MRPS30: variants seen among roughly 807,000 people sequenced by gnomAD.
MRPS30 encodes the protein large ribosomal subunit protein mL65.
Under a neutral mutation model 43.8 loss-of-function variants are expected in MRPS30, and 42 were observed. The ratio of observed to expected loss-of-function variants is 0.96; its 90% CI spans 0.75 to 1.24. The LOEUF (loss-of-function observed/expected upper bound fraction) is 1.24, where lower values mean the gene tolerates loss of function less well. Among genes scored for constraint, MRPS30 ranks in the 50% most tolerant of loss-of-function variants. The pLI is 0.00. For synonymous variants in MRPS30, 273 were observed against 228.2 expected (o/e 1.20, Z -1.77); for missense variants, 638 against 570.0 (o/e 1.12, Z -1.22).
In MRPS30 at chr5:44,809,786, T is replaced by C. The variant is rs1465116229; in HGVS notation, c.601+223T>C. On this transcript the variant is annotated intron_variant, in intron 1 of 4. Coordinates refer to ENST00000507110, the MANE Select transcript of MRPS30 (RefSeq NM_016640.4). ...CGCTAACACCTACCAGCTCTTCAAC[T>C]CTGAAAGCCTGAGCTCTCCAGGATT... 1.1e-5 allele frequency: 6 copies of C among 532,100 alleles called. No homozygotes were observed. In the African/African-American group the frequency reaches 1.2e-4, roughly 10 times the overall value. The allele number at this position is 532,100 out of a possible 1,614,324, so 33.0% of individuals were successfully genotyped here.
At chr5:44,814,375 G>T (rs914378726) in intron 4 of MRPS30, among the ~76,000 whole-genome samples, 1 of 152,252 alleles carries the variant, frequency 6.6e-6, no homozygotes, top group East Asian at 1.9e-4. Flanking sequence ...ATTGAATAGA[G>T]GAAGTGGGAG....
At position 44,811,063 on chromosome 5, in the gene MRPS30, G is replaced by C; in HGVS notation, c.656G>C (p.Arg219Pro). 6.2e-7 allele frequency: 1 copy of C among 1,613,928 alleles called. No individual in the cohort carries two copies. Among genetic ancestry groups the C allele is most frequent in the Non-Finnish European group, 8.5e-7 (1 of 1,179,862 alleles). ...GTGCGTGGTGAAGAAATTATTCCTC[G>C]TGGTCATCGAAGAGGTCGAATTGAT... ...YWVRGEEIIP[R>P]GHRRGRIDDL... The change falls in exon 2 of 5, where the codon CGT becomes CCT. Residue 219 changes from arginine to proline, a missense_variant. Coordinates refer to ENST00000507110, the MANE Select transcript of MRPS30 (RefSeq NM_016640.4).
At position 44,813,123 on chromosome 5, in the gene MRPS30, C is replaced by A; in HGVS notation, c.871C>A (p.Pro291Thr). The A allele has an allele frequency of 1.2e-6, 2 of 1,612,254 alleles. No homozygotes were observed. The highest frequency in any genetic ancestry group is 8.5e-7 in the Non-Finnish European group (1 of 1,179,366). ...HIFVGSKTAD[P>T]CCYGHTQFHL... ...CTCTTCAGGCTCAAAAACTGCAGAT[C>A]CTTGCTGTTACGGTCACACCCAGTT... The change falls in exon 4 of 5, where the codon CCT becomes ACT. Residue 291 changes from proline to threonine, a missense_variant. Coordinates refer to ENST00000507110, the MANE Select transcript of MRPS30 (RefSeq NM_016640.4).
chr5:44,810,347 T>C (rs1742818196), intron 1 of MRPS30, among the ~76,000 whole-genome samples: 1 of 152,250 alleles, frequency 6.6e-6, no homozygotes. Flanking sequence ...AATCAGCAGC[T>C]TCCGTGTAAC....
In MRPS30 at chr5:44,813,122, T is replaced by A; in HGVS notation, c.870T>A (p.Asp290Glu). 6.2e-7 allele frequency: 1 copy of A among 1,612,592 alleles called. No homozygotes were observed. Among genetic ancestry groups the A allele is most frequent in the South Asian group, 1.1e-5 (1 of 90,624 alleles). ...NHIFVGSKTA[D>E]PCCYGHTQFH... ...GCTCTTCAGGCTCAAAAACTGCAGA[T>A]CCTTGCTGTTACGGTCACACCCAGT... Residue 290 changes from aspartate to glutamate, a missense_variant, in exon 4 of 5, where the codon GAT (aspartate) becomes GAA (glutamate). Physicochemically the swap from Asp to Glu is conservative, Grantham distance 45. Coordinates refer to ENST00000507110, the MANE Select transcript of MRPS30 (RefSeq NM_016640.4).
rs1165688531 is a variant in MRPS30, at chr5:44,815,143, A to G, written c.1261A>G (p.Ile421Val). Reference protein sequence around the residue: ...KGFNDDVLLQIVHFLLNRPKE... With the variant: ...KGFNDDVLLQVVHFLLNRPKE... ...TTTTAATGATGATGTTCTACTTCAG[A>G]TAGTTCACTTTCTACTGAATAGACC... The change falls in exon 5 of 5, where the codon ATA (isoleucine) becomes GTA (valine). Residue 421 changes from isoleucine to valine, a missense_variant. Transcript: ENST00000507110. 6.2e-7 allele frequency: 1 copy of G among 1,613,000 alleles called. No individual in the cohort carries two copies. The highest frequency in any genetic ancestry group is 8.5e-7 in the Non-Finnish European group (1 of 1,179,616).
At position 44,813,193 on chromosome 5, in the gene MRPS30, A is replaced by G. The variant is rs1161018418; in HGVS notation, c.941A>G (p.Gln314Arg). 3.1e-6 allele frequency: 5 copies of G among 1,613,624 alleles called. No homozygotes were observed. The highest frequency in any genetic ancestry group is 4.2e-6 in the Non-Finnish European group (5 of 1,179,764). The part of the protein sequence containing the change: ...DKLRRERLLR[Q>R]NCADQIEVVF... ...TTAAGAAGGGAAAGGCTTTTGAGACAAAACTGTGCTGATCAGATAGAAGTT... is the reference window on the plus strand; with the variant it reads ...TTAAGAAGGGAAAGGCTTTTGAGACGAAACTGTGCTGATCAGATAGAAGTT... The change falls in exon 4 of 5, where the codon CAA (glutamine) becomes CGA (arginine). Residue 314 changes from glutamine (Q) to arginine (R), a missense_variant. By Grantham distance (43) the Gln-to-Arg change is conservative. Transcript: ENST00000507110.
At chr5:44,809,623 C>T (rs1742795214) in intron 1 of MRPS30, 60 bp downstream of exon 1, 3 of 1,457,500 alleles carry the variant, frequency 2.1e-6, no homozygotes, top group African/African-American at 1.4e-5. Flanking sequence ...CTGGGTTACT[C>T]TGCCGCAGAT....
chr5:44,813,914 G>T (rs1423014438), intron 4 of MRPS30, among the ~76,000 whole-genome samples: 1 of 152,150 alleles, frequency 6.6e-6, no homozygotes, highest in Non-Finnish European at 1.5e-5. Context: ...TATAAATGAG[G>T]TATGGAGAAG....
intron 4 of MRPS30, among the ~76,000 whole-genome samples, chr5:44,814,427 TGAA>T (rs1317393104): frequency 2.6e-5 from 4 of 152,232 alleles, no homozygotes; most frequent in Admixed American, 1.3e-4. Flanking sequence ...GTAACTTTCT[TGAA>T]GATGGTAGAA....
At chr5:44,812,622 G>T (rs1244868109) in intron 3 of MRPS30, among the ~76,000 whole-genome samples, 1 of 150,800 alleles carries the variant, frequency 6.6e-6, no homozygotes, top group Non-Finnish European at 1.5e-5. Flanking sequence ...AAGAATGTCA[G>T]CATTTCATGA....
At chr5:44,812,171 C>A (rs1481635616) in intron 3 of MRPS30, 151 bp downstream of exon 3, 1 of 449,750 alleles carries the variant, frequency 2.2e-6, no homozygotes, top group Non-Finnish European at 4.0e-6. Flanking sequence ...CAGGTTATTA[C>A]AACATGCATA....
intron 2 of MRPS30, 105 bp from the exon 3 acceptor site, chr5:44,811,810 A>C (rs540082299): frequency 1.7e-5 from 12 of 713,894 alleles, no homozygotes; most frequent in African/African-American, 1.5e-4. Flanking sequence ...TTATCAAATC[A>C]TTTTGTGAAA....
chr5:44,814,782 C>T, intron 4 of MRPS30, 131 bp from the exon 5 acceptor site: 1 of 800,632 alleles, frequency 1.2e-6, no homozygotes, highest in Non-Finnish European at 2.0e-6. Context: ...ACTTTGAGGT[C>T]TTCAGGGATT....
At position 44,809,193 on chromosome 5, in the gene MRPS30, C is replaced by G. The variant is rs778963051; in HGVS notation, c.231C>G (p.Asp77Glu). Residue 77 changes from aspartate (D) to glutamate (E), a missense_variant, in exon 1 of 5, where the codon GAC (aspartate) becomes GAG (glutamate). By Grantham distance (45) the Asp-to-Glu change is conservative. Coordinates refer to ENST00000507110, the MANE Select transcript of MRPS30 (RefSeq NM_016640.4). ...QATVHAAESV[D>E]EKLRILTKMQ... ...CGGTGCACGCTGCGGAGTCGGTAGA[C>G]GAGAAGCTGCGAATCCTCACCAAGA... is the stretch of plus-strand genomic sequence containing the variant. 6.2e-7 allele frequency: 1 copy of G among 1,613,020 alleles called. No homozygotes were observed. The highest frequency in any genetic ancestry group is 8.5e-7 in the Non-Finnish European group (1 of 1,179,810).
chr5:44,809,657 T>G (rs1008760479), intron 1 of MRPS30, 94 bp downstream of exon 1: 1 of 1,320,346 alleles, frequency 7.6e-7, no homozygotes, highest in Non-Finnish European at 1.0e-6. Flanking sequence ...TTTCTTTCTC[T>G]CTGCTTCGTT....
At chr5:44,814,844 C>T (rs369581644) in intron 4 of MRPS30, 69 bp from the exon 5 acceptor site, 2 of 1,407,238 alleles carry the variant, frequency 1.4e-6, no homozygotes, top group East Asian at 2.3e-5. Context: ...CCTCTAATGT[C>T]TAATGTGATT....
In MRPS30 at chr5:44,809,267, C is replaced by G. The variant is rs35601455; in HGVS notation, c.305C>G (p.Ala102Gly). The G allele has an allele frequency of 6.2e-7, 1 of 1,613,380 alleles. No individual in the cohort carries two copies. Among genetic ancestry groups the G allele is most frequent in the Non-Finnish European group, 8.5e-7 (1 of 1,179,790 alleles). ...TACCCGCAGACCTTCGCGCTGAATG[C>G]CGACCGCTGGTACCAGTACTTCACC... Reference protein sequence around the residue: ...MVYPQTFALNADRWYQYFTKT... With the variant: ...MVYPQTFALNGDRWYQYFTKT... Residue 102 changes from alanine to glycine, a missense_variant, in exon 1 of 5, where the codon GCC (alanine) becomes GGC (glycine). By Grantham distance (60) the Ala-to-Gly change is moderately conservative. Coordinates refer to ENST00000507110, the MANE Select transcript of MRPS30 (RefSeq NM_016640.4).
Position 44,815,167 on chromosome 5 carries a change from C to T in MRPS30, c.1285C>T (p.Pro429Ser). The T allele has an allele frequency of 1.9e-6, 3 of 1,593,178 alleles. No homozygotes were observed. The highest frequency in any genetic ancestry group is 1.7e-6 in the Non-Finnish European group (2 of 1,172,392). Residue 429 changes from proline to serine, a missense_variant, in exon 5 of 5, where the codon CCA becomes TCA. By Grantham distance (74) the Pro-to-Ser change is moderately conservative. Transcript: ENST00000507110. ...GATAGTTCACTTTCTACTGAATAGA[C>T]CAAAAGAAGAAAAATCACAGCTGTT... ...LQIVHFLLNR[P>S]KEEKSQLLEN
Sources: gnomAD v4.1 joint callset for allele counts (sites outside exome capture counted in the v4.1 genomes callset) on GRCh38, gnomAD v4.1.1 for gene constraint, MANE v1.5 for transcripts, NCBI Gene and HGNC (gene_info 2026-07-23, HGNC 2026-07-21) for gene names.